Variants in MYRF observed in about 807,000 individuals in gnomAD.
The protein encoded by MYRF is myelin regulatory factor.
A neutral mutation model predicts 126.3 loss-of-function variants in MYRF; 16 were observed. That is an observed-to-expected ratio of 0.13 (90% CI 0.09 to 0.19). The LOEUF (loss-of-function observed/expected upper bound fraction) is 0.19, where lower values mean the gene tolerates loss of function less well. Among genes scored for constraint, MYRF ranks in the 10% least tolerant of loss-of-function variants. The pLI is 1.00. For missense variants in MYRF, 1,104 were observed against 1,547.0 expected (o/e 0.71, Z 4.80); for synonymous variants, 608 against 635.3 (o/e 0.96, Z 0.65).
At chr11:61,779,754 A>G in intron 16 of MYRF, 88 bp from the exon 17 acceptor site, 1 of 1,339,484 alleles carries the variant, frequency 7.5e-7, no homozygotes. Flanking sequence ...GCACCCCCTT[A>G]ACCGCTCCTC....
chr11:61,754,529 C>T (rs1179122936), intron 1 of MYRF: 2 of 152,216 alleles, frequency 1.3e-5, no homozygotes, highest in East Asian at 3.9e-4. Flanking sequence ...CCCAGAGGAC[C>T]CGCAGGCCAG....
chr11:61,780,101 C>T, intron 17 of MYRF, 121 bp from the exon 18 acceptor site: 2 of 1,309,026 alleles, frequency 1.5e-6, no homozygotes, highest in Non-Finnish European at 2.2e-6. Context: ...TCTGGGGTGA[C>T]CCATTTTGTA....
At chr11:61,762,917 C>A (rs1412221732) in intron 1 of MYRF, among the ~76,000 whole-genome samples, 1 of 152,188 alleles carries the variant, frequency 6.6e-6, no homozygotes, top group African/African-American at 2.4e-5. Flanking sequence ...CCCTCCTCCC[C>A]CAAAGCACAT....
In MYRF at chr11:61,788,088, G is replaced by A. The variant is rs1200351215; in HGVS notation, c.*1945G>A. The A allele has an allele frequency of 1.3e-5, 2 of 152,790 alleles. No individual in the cohort carries two copies. Among genetic ancestry groups the A allele is most frequent in the African/African-American group, 2.4e-5 (1 of 41,422 alleles). The allele number at this position is 152,790 out of a possible 1,614,324, so 9.5% of individuals were successfully genotyped here. ...CTGTGGTAAAAGGGCTTCAGGGAAG[G>A]TAAGTGGGCCACCTGCTGGAAGCTG... is the stretch of plus-strand genomic sequence containing the variant. On this transcript the variant is annotated 3_prime_UTR_variant, in exon 27 of 27. Transcript: ENST00000278836.
At chr11:61,759,524 G>C (rs1474458340) in intron 1 of MYRF, among the ~76,000 whole-genome samples, 3 of 152,146 alleles carry the variant, frequency 2.0e-5, no homozygotes, top group African/African-American at 7.2e-5. Flanking sequence ...ACAACAATTA[G>C]CCAGGCGTGG....
chr11:61,774,669 G>A (rs867055687), intron 8 of MYRF, among the ~76,000 whole-genome samples: 10 of 144,728 alleles, frequency 6.9e-5, no homozygotes, highest in Non-Finnish European at 1.1e-4. Context: ...CTCGCCCTGC[G>A]CCTGCCTCCC....
chr11:61,753,212 T>C (rs1565273758), intron 1 of MYRF, among the ~76,000 whole-genome samples: 1 of 151,934 alleles, frequency 6.6e-6, no homozygotes, highest in Non-Finnish European at 1.5e-5. Flanking sequence ...TTCTAGGACC[T>C]TCCGTACCTC....
At chr11:61,764,570 AG>A (rs2065998644) in intron 1 of MYRF, among the ~76,000 whole-genome samples, 1 of 152,086 alleles carries the variant, frequency 6.6e-6, no homozygotes, top group Non-Finnish European at 1.5e-5. Flanking sequence ...GGCCTGTGGG[AG>A]GGGCCCTCCT....
rs1181382178 is a variant in MYRF, at chr11:61,783,900, C to G, written c.3169C>G (p.His1057Asp). The G allele has an allele frequency of 6.2e-7, 1 of 1,608,556 alleles. No individual in the cohort carries two copies. Among genetic ancestry groups the G allele is most frequent in the East Asian group, 2.2e-5 (1 of 44,794 alleles). The change falls in exon 24 of 27, where the codon CAC becomes GAC. Residue 1057 changes from histidine to aspartate, a missense_variant. Physicochemically the swap from His to Asp is moderately conservative, Grantham distance 81. This residue lies in a region of MYRF where 94 missense variants were observed against 164.6 expected (regional missense o/e 0.57). Transcript: ENST00000278836. This position sits in a 1 kb window ranked among gnomAD's most constrained non-coding sequence, Gnocchi z 4.6. Reference sequence around the variant, plus strand: ...CCCTGTCAGTAGTGGCACCCCACTGCACCTCAGCCTGACTCTGCAGATGAA... The same window carrying G: ...CCCTGTCAGTAGTGGCACCCCACTGGACCTCAGCCTGACTCTGCAGATGAA... Reference protein sequence around the residue: ...HIPVSSGTPLHLSLTLQMNSS... With the variant: ...HIPVSSGTPLDLSLTLQMNSS...
In MYRF at chr11:61,786,496, C is replaced by T; in HGVS notation, c.*353C>T. ...CTGTGGCCCTGATTTGTTCAGAGCC[C>T]ATTCTCCCTTGCCTCCCCTTTTGAG... On this transcript the variant is annotated 3_prime_UTR_variant, in exon 27 of 27. Coordinates refer to ENST00000278836, the MANE Select transcript of MYRF (RefSeq NM_001127392.3). The surrounding 1 kb of genome is among the most constrained non-coding windows in gnomAD (Gnocchi z 4.5). 1 of 300,986 alleles carries T rather than the reference C, an allele frequency of 3.3e-6. No homozygotes were observed. The highest frequency in any genetic ancestry group is 6.3e-6 in the Non-Finnish European group (1 of 157,568). The allele number at this position is 300,986 out of a possible 1,614,324, so 18.6% of individuals were successfully genotyped here. A position where few individuals can be genotyped will look rare whatever the true frequency, so the allele number is the denominator to read the frequency against.
chr11:61,767,250 G>A (rs2066090508), intron 3 of MYRF: 2 of 456,610 alleles, frequency 4.4e-6, no homozygotes, highest in Non-Finnish European at 8.8e-6. Context: ...CTAAACTACA[G>A]GCCCCTGGGG....
rs962306760 is a variant in MYRF at position 61,777,690 on chromosome 11, G to A, written c.1792-44G>A. 12 of 1,524,942 alleles carry A rather than the reference G, an allele frequency of 7.9e-6. No homozygotes were observed. Among genetic ancestry groups the A allele is most frequent in the Admixed American group, 2.0e-5 (1 of 50,522 alleles). The allele number at this position is 1,524,942 out of a possible 1,614,324, so 94.5% of individuals were successfully genotyped here. A position where few individuals can be genotyped will look rare whatever the true frequency, so the allele number is the denominator to read the frequency against. On this transcript the variant is annotated intron_variant, in intron 12 of 26. Coordinates refer to ENST00000278836, the MANE Select transcript of MYRF (RefSeq NM_001127392.3). The surrounding 1 kb of genome is among the most constrained non-coding windows in gnomAD (Gnocchi z 8.8). ...TCCTGGGCTCCGGGGCCTGCTCCGG[G>A]ACGGCCGCAGGAGGGGTTCATTCCC...
intron 5 of MYRF, 145 bp from the exon 6 acceptor site, chr11:61,771,355 G>A (rs2066213878): frequency 1.8e-6 from 2 of 1,134,360 alleles, no homozygotes; most frequent in Non-Finnish European, 2.4e-6. Flanking sequence ...AGGAGGCAAA[G>A]CCTGAGGGCT....
Position 61,778,346 on chromosome 11 carries a change from C to T in MYRF, c.1904-34C>T. The stretch of plus-strand genomic sequence containing the variant: ...AGCTGTGAGTAGCCCTTTACCACCC[C>T]CCCACCCATCTTTGGCTTGTCCCCT... On this transcript the variant is annotated intron_variant, in intron 13 of 26. Coordinates refer to ENST00000278836, the MANE Select transcript of MYRF (RefSeq NM_001127392.3). The surrounding 1 kb of genome is among the most constrained non-coding windows in gnomAD (Gnocchi z 4.6). 1.4e-6 allele frequency: 2 copies of T among 1,423,804 alleles called. No homozygotes were observed. Among genetic ancestry groups the T allele is most frequent in the Non-Finnish European group, 2.0e-6 (2 of 1,007,184 alleles). 88.2% of individuals were successfully genotyped at this position (1,423,804 alleles called of 1,614,324 possible).
rs1264884600 is a variant in MYRF, at chr11:61,757,242, ATGATG to A, written c.46+4454_46+4458del. On this transcript the variant is annotated intron_variant, in intron 1 of 26. Coordinates refer to ENST00000278836, the MANE Select transcript of MYRF (RefSeq NM_001127392.3). The surrounding 1 kb of genome is among the most constrained non-coding windows in gnomAD (Gnocchi z 4.7). ...CCTCTTGGTTGGGTCTCGGGGTAGG[ATGATG>A]TAATGGTTCTGTGCATTCGCCAGCG... 2.2e-6 allele frequency: 1 copy of A among 456,370 alleles called. No individual in the cohort carries two copies. The highest frequency in any genetic ancestry group is 2.4e-5 in the Admixed American group (1 of 42,548). 28.3% of individuals were successfully genotyped at this position (456,370 alleles called of 1,614,324 possible). A position where few individuals can be genotyped will look rare whatever the true frequency, so the allele number is the denominator to read the frequency against.
intron 21 of MYRF, 82 bp downstream of exon 21, chr11:61,781,411 T>A: frequency 6.4e-7 from 1 of 1,560,960 alleles, no homozygotes; most frequent in South Asian, 1.2e-5. Context: ...GGTGGGAGGG[T>A]CTCCTGGAGC....
At position 61,786,021 on chromosome 11, in the gene MYRF, AC is replaced by A. The variant is rs377596993; in HGVS notation, c.3376-37del. The A allele has an allele frequency of 2.2e-5, 36 of 1,601,976 alleles. No homozygotes were observed. The African/African-American group carries it at 4.7e-4, about 21-fold the overall frequency. ...CAGCAGGGAGTGCCATCTGCCCCGC[AC>A]CCCCAGAGCCACCTCACCTTCCCAC... On this transcript the variant is annotated intron_variant, in intron 26 of 26. Coordinates refer to ENST00000278836, the MANE Select transcript of MYRF (RefSeq NM_001127392.3). This position sits in a 1 kb window ranked among gnomAD's most constrained non-coding sequence, Gnocchi z 4.5.
chr11:61,783,093 G>A lies in MYRF; in HGVS notation c.3017-405G>A, dbSNP rs1472088121. 4 of 164,922 alleles carry A rather than the reference G, an allele frequency of 2.4e-5. No homozygotes were observed. In the South Asian group the frequency reaches 5.1e-4, roughly 21 times the overall value. The allele number at this position is 164,922 out of a possible 1,614,324, so 10.2% of individuals were successfully genotyped here. On this transcript the variant is annotated intron_variant, in intron 22 of 26. Coordinates refer to ENST00000278836, the MANE Select transcript of MYRF (RefSeq NM_001127392.3). The surrounding 1 kb of genome is among the most constrained non-coding windows in gnomAD (Gnocchi z 4.6). ...TGGTAGCGGTGTAATCATCGGCCTC[G>A]GGGCAGAGGGGAGCCTGATTTGTGT...
chr11:61,765,492 A>G (rs1371808800), intron 1 of MYRF, 133 bp from the exon 2 acceptor site: 2 of 655,662 alleles, frequency 3.1e-6, no homozygotes, highest in African/African-American at 3.7e-5. Context: ...CCCCACATGG[A>G]TACCTGGGTG....
Sources: gnomAD v4.1 joint callset for allele counts (sites outside exome capture counted in the v4.1 genomes callset) on GRCh38, gnomAD v4.1.1 for gene constraint, gnomAD v4.1.1 regional missense constraint, Gnocchi (gnomAD v3.1) non-coding constraint, MANE v1.5 for transcripts, NCBI Gene and HGNC (gene_info 2026-07-23, HGNC 2026-07-21) for gene names.